DOCK3: variants seen among roughly 807,000 people sequenced by gnomAD.
DOCK3 encodes dedicator of cytokinesis 3, also known as dedicator of cytokinesis protein 3.
DOCK3 carries 60 observed loss-of-function variants against 265.6 expected under a neutral mutation model. The observed-to-expected ratio is 0.23, with a 90% CI of 0.18 to 0.28. DOCK3 has a LOEUF of 0.28. Among genes scored for constraint, DOCK3 ranks in the 10% least tolerant of loss-of-function variants. The pLI, the probability that DOCK3 is intolerant of heterozygous loss-of-function variation, is 1.00. For synonymous variants in DOCK3, 881 were observed against 938.0 expected (o/e 0.94, Z 1.11); for missense variants, 1,981 against 2,594.3 (o/e 0.76, Z 5.14).
intron 1 of DOCK3, among the ~76,000 whole-genome samples, chr3:50,763,548 G>T (rs540907563): frequency 9.2e-5 from 14 of 152,212 alleles, no homozygotes; most frequent in African/African-American, 2.9e-4. Context: ...CCCCCAAAGT[G>T]CTGGGATTAC....
chr3:51,098,223 A>G (rs1326594902), intron 9 of DOCK3, among the ~76,000 whole-genome samples: 1 of 151,842 alleles, frequency 6.6e-6, no homozygotes, highest in Admixed American at 6.6e-5. Context: ...TGCCCATCTA[A>G]TTTTTGTATT....
intron 32 of DOCK3, among the ~76,000 whole-genome samples, chr3:51,328,678 C>A (rs2109925566): frequency 6.6e-6 from 1 of 151,180 alleles, no homozygotes; most frequent in East Asian, 1.9e-4. Flanking sequence ...TTCAGAGGCC[C>A]TAACTGCCTT....
At chr3:50,854,592 G>GTTTTATTTTTTTTTT (rs2046496445) in intron 3 of DOCK3, among the ~76,000 whole-genome samples, 1 of 47,214 alleles carries the variant, frequency 2.1e-5, no homozygotes, top group Non-Finnish European at 3.6e-5. Context: ...CATCACACCA[G>GTTTTATTTTTTTTTT]TTTTTTTTTT....
Position 51,381,525 on chromosome 3 carries a change from G to A in DOCK3, c.6059G>A (p.Arg2020His), listed in dbSNP as rs782416589. The change falls in exon 53 of 53, where the codon CGC (arginine) becomes CAC (histidine). Residue 2020 changes from arginine (R) to histidine (H), a missense_variant. Arg to His is a conservative substitution (Grantham distance 29). Coordinates refer to ENST00000266037, the MANE Select transcript of DOCK3 (RefSeq NM_004947.5). This position sits in a 1 kb window ranked among gnomAD's most constrained non-coding sequence, Gnocchi z 5.6. ...GGGAGCGCTAAGGAGGAGCAGGCCC[G>A]CATGGCCTGGGAGCACGGCCGAGGG... The part of the protein sequence containing the change: ...PPGSAKEEQA[R>H]MAWEHGRGEQ 35 of 1,566,328 alleles carry A rather than the reference G, an allele frequency of 2.2e-5. No homozygotes were observed. Among genetic ancestry groups the A allele is most frequent in the South Asian group, 3.5e-5 (3 of 84,924 alleles).
intron 5 of DOCK3, among the ~76,000 whole-genome samples, chr3:50,978,683 C>CT (rs2077569329): frequency 1.3e-5 from 2 of 152,222 alleles, no homozygotes; most frequent in African/African-American, 4.8e-5. Flanking sequence ...CCAGTTGGAG[C>CT]TTCTTGGCTG....
intron 3 of DOCK3, among the ~76,000 whole-genome samples, chr3:50,847,600 A>G (rs1054662636): frequency 1.3e-5 from 2 of 152,038 alleles, no homozygotes; most frequent in Non-Finnish European, 2.9e-5. Context: ...ATCCCCCACT[A>G]TGGCCAAGTG....
At chr3:51,066,618 C>T (rs544540524) in intron 6 of DOCK3, among the ~76,000 whole-genome samples, 4 of 152,134 alleles carry the variant, frequency 2.6e-5, no homozygotes, top group Non-Finnish European at 5.9e-5. Flanking sequence ...TTCAGGGATG[C>T]ACGAAAGTTC....
intron 3 of DOCK3, among the ~76,000 whole-genome samples, chr3:50,857,961 A>G (rs763364697): frequency 2.0e-5 from 3 of 152,354 alleles, no homozygotes; most frequent in East Asian, 1.9e-4. Flanking sequence ...TCATGCTGCT[A>G]TAAAGACACA....
chr3:51,190,812 G>A lies in DOCK3; in HGVS notation c.1038-17962G>A, dbSNP rs150813001. On this transcript the variant is annotated intron_variant, in intron 12 of 52. Transcript: ENST00000266037. The stretch of plus-strand genomic sequence containing the variant: ...GGAGGGACAAAGCCAGGTGGGAGCT[G>A]GGTCAGGTAGGTCCACACCCTGGCT... 1.4e-3 allele frequency among the ~76,000 whole-genome samples: 207 copies of A among 152,286 alleles called. 2 individuals are homozygous for A. The highest frequency in any genetic ancestry group is 4.7e-3 in the African/African-American group (197 of 41,556).
At position 50,893,265 on chromosome 3, in the gene DOCK3, T is replaced by G. The variant is rs187487068; in HGVS notation, c.218+3184T>G. 16 of 306,198 alleles carry G rather than the reference T, an allele frequency of 5.2e-5. No homozygotes were observed. In the East Asian group the frequency reaches 1.8e-3, roughly 34 times the overall value. The allele number at this position is 306,198 out of a possible 1,614,324, so 19.0% of individuals were successfully genotyped here. A position where few individuals can be genotyped will look rare whatever the true frequency, so the allele number is the denominator to read the frequency against. Reference sequence around the variant, plus strand: ...AAAATAAATATTCAATAACAGACCCTAAAGAAAAGGAGTTCTATGAATTGC... The same window carrying G: ...AAAATAAATATTCAATAACAGACCCGAAAGAAAAGGAGTTCTATGAATTGC... On this transcript the variant is annotated intron_variant, in intron 4 of 52. Transcript: ENST00000266037.
chr3:50,982,025 T>G (rs1056076732), intron 5 of DOCK3, among the ~76,000 whole-genome samples: 1 of 151,982 alleles, frequency 6.6e-6, no homozygotes, highest in Non-Finnish European at 1.5e-5. Flanking sequence ...ATTTTTGTAT[T>G]TTTAGTAGAG....
chr3:51,189,280 A>G (rs1314650957), intron 12 of DOCK3, among the ~76,000 whole-genome samples: 6 of 151,686 alleles, frequency 4.0e-5, no homozygotes, highest in African/African-American at 7.3e-5. Flanking sequence ...TTTTATTTCA[A>G]TAGCTTTTGG....
At chr3:51,064,625 TCA>T (rs1212328211) in intron 6 of DOCK3, 29 bp downstream of exon 6, 1 of 1,607,834 alleles carries the variant, frequency 6.2e-7, no homozygotes, top group African/African-American at 1.3e-5. Context: ...TGGGTATCTC[TCA>T]GTTTCATTTA....
At chr3:51,060,477 T>C (rs2081372987) in intron 5 of DOCK3, among the ~76,000 whole-genome samples, 1 of 152,228 alleles carries the variant, frequency 6.6e-6, no homozygotes, top group African/African-American at 2.4e-5. Flanking sequence ...CCCATGCCTG[T>C]GTCCTGAATG....
intron 15 of DOCK3, among the ~76,000 whole-genome samples, chr3:51,227,080 T>C (rs950081275): frequency 6.6e-6 from 1 of 152,188 alleles, no homozygotes. Flanking sequence ...ACAAGGAGCA[T>C]TGTGACTGCT....
intron 27 of DOCK3, among the ~76,000 whole-genome samples, chr3:51,305,761 T>TGTGTGTGTG (rs779031609): frequency 6.7e-6 from 1 of 149,354 alleles, no homozygotes; most frequent in Admixed American, 6.7e-5. Flanking sequence ...TGTGTGTGTG[T>TGTGTGTGTG]TTTTATTATA....
At chr3:51,097,985 T>C (rs765745076) in intron 9 of DOCK3, among the ~76,000 whole-genome samples, 2 of 151,984 alleles carry the variant, frequency 1.3e-5, no homozygotes, top group African/African-American at 2.4e-5. Flanking sequence ...GGTACCTCAA[T>C]TGGAAATGCA....
At chr3:51,259,641 A>C (rs1004526652) in intron 22 of DOCK3, among the ~76,000 whole-genome samples, 21 of 152,188 alleles carry the variant, frequency 1.4e-4, no homozygotes, top group African/African-American at 5.1e-4. Context: ...GGTTTTCTTC[A>C]GATTTCTGTG....
At chr3:51,164,398 G>A (rs996271218) in intron 12 of DOCK3, among the ~76,000 whole-genome samples, 2 of 152,162 alleles carry the variant, frequency 1.3e-5, no homozygotes, top group Non-Finnish European at 2.9e-5. Flanking sequence ...TGAGGCAGGC[G>A]GATCATGAGG....
Sources: gnomAD v4.1 joint callset for allele counts (sites outside exome capture counted in the v4.1 genomes callset) on GRCh38, gnomAD v4.1.1 for gene constraint, Gnocchi (gnomAD v3.1) non-coding constraint, MANE v1.5 for transcripts, NCBI Gene and HGNC (gene_info 2026-07-23, HGNC 2026-07-21) for gene names.